Variants in ARMC2 observed in about 807,000 individuals in gnomAD.
The protein encoded by ARMC2 is armadillo repeat containing 2, also known as armadillo repeat-containing protein 2.
ARMC2 carries 67 observed loss-of-function variants against 90.3 expected under a neutral mutation model. That is an observed-to-expected ratio of 0.74 (90% CI 0.61 to 0.91). ARMC2 has a LOEUF of 0.91. Among genes scored for constraint, ARMC2 ranks in the 40% least tolerant of loss-of-function variants. ARMC2 has a pLI of 0.00. For missense variants in ARMC2, 920 were observed against 1,030.9 expected (o/e 0.89, Z 1.47); for synonymous variants, 393 against 393.0 (o/e 1.00, Z 0.00).
the ARMC2 span, chr6:108,992,987 T>C: frequency 3.8e-6 from 3 of 785,680 alleles, no homozygotes; most frequent in East Asian, 2.6e-5. Flanking sequence ...GGCATAACTC[T>C]TTCTCTGATA....
intron 10 of ARMC2, among the ~76,000 whole-genome samples, chr6:108,917,326 T>C (rs1263989125): frequency 6.6e-6 from 1 of 152,092 alleles, no homozygotes; most frequent in African/African-American, 2.4e-5. Flanking sequence ...CTCTCCCCCT[T>C]GCTCAGTACC....
chr6:109,051,521 T>C, the ARMC2 span, among the ~76,000 whole-genome samples: 26 of 152,182 alleles, frequency 1.7e-4, no homozygotes, highest in Non-Finnish European at 2.8e-4. Flanking sequence ...TTGCTTACCA[T>C]TAGAGGTCAA....
chr6:108,881,198 G>T (rs1383857789), intron 5 of ARMC2, among the ~76,000 whole-genome samples: 3 of 143,956 alleles, frequency 2.1e-5, no homozygotes, highest in African/African-American at 2.6e-5. Context: ...TTCTTTCTTT[G>T]TTTCTTTCTT....
intron 5 of ARMC2, among the ~76,000 whole-genome samples, chr6:108,885,624 A>G (rs1477387723): frequency 2.6e-5 from 4 of 151,654 alleles, no homozygotes; most frequent in Non-Finnish European, 4.4e-5. Flanking sequence ...CAGTAAGCTG[A>G]GATTGCACCC....
At chr6:108,932,624 G>C (rs1775660427) in intron 11 of ARMC2, among the ~76,000 whole-genome samples, 1 of 141,678 alleles carries the variant, frequency 7.1e-6, no homozygotes, top group Admixed American at 7.7e-5. Context: ...TGCCTCCCGG[G>C]TTCACACCAT....
At chr6:109,009,532 A>T in the ARMC2 span, 3 of 1,170,422 alleles carry the variant, frequency 2.6e-6, no homozygotes, top group Non-Finnish European at 3.2e-6. Context: ...TCCTGGCTGC[A>T]GCGCCTCAGT....
chr6:108,903,132 C>T (rs1421071202), intron 7 of ARMC2, among the ~76,000 whole-genome samples: 1 of 152,158 alleles, frequency 6.6e-6, no homozygotes, highest in East Asian at 1.9e-4. Context: ...TGTACCACTA[C>T]ACTCCGGTCT....
At chr6:109,026,341 G>T in the ARMC2 span, among the ~76,000 whole-genome samples, 3 of 152,100 alleles carry the variant, frequency 2.0e-5, no homozygotes, top group African/African-American at 7.2e-5. Context: ...AGTCAACAAA[G>T]AAAAAGTTCT....
rs186504244 is a variant in ARMC2 at position 108,924,109 on chromosome 6, G to C, written c.1351-3979G>C. 2.0e-5 allele frequency: 3 copies of C among 152,584 alleles called. No homozygotes were observed. The East Asian group carries it at 5.8e-4, about 29-fold the overall frequency. 9.5% of individuals were successfully genotyped at this position (152,584 alleles called of 1,614,324 possible). ...ACAAGTGACAATGCTTCTGTGATGG[G>C]GGTTGTAGAGGCAGGAACAGGATGC... On this transcript the variant is annotated intron_variant, in intron 10 of 17. Transcript: ENST00000392644.
At chr6:109,023,415 T>C in the ARMC2 span, among the ~76,000 whole-genome samples, 2 of 152,348 alleles carry the variant, frequency 1.3e-5, no homozygotes, top group South Asian at 2.1e-4. Flanking sequence ...TTTACCATGC[T>C]AACAGTGACT....
the ARMC2 span, among the ~76,000 whole-genome samples, chr6:109,041,203 T>C: frequency 5.3e-5 from 8 of 150,902 alleles, no homozygotes; most frequent in South Asian, 2.1e-4. Flanking sequence ...TCCCAGCTAC[T>C]TGGGGGGCTT....
At chr6:108,990,761 T>G in the ARMC2 span, 13 of 1,614,140 alleles carry the variant, frequency 8.1e-6, no homozygotes, top group Non-Finnish European at 1.1e-5. Flanking sequence ...TGTGAAATTT[T>G]TCATCAATCA....
intron 10 of ARMC2, among the ~76,000 whole-genome samples, chr6:108,915,056 G>A (rs1180237503): frequency 2.6e-5 from 4 of 151,750 alleles, no homozygotes; most frequent in Admixed American, 1.3e-4. Flanking sequence ...AGGTTCAAGC[G>A]ATTCTCCTGC....
At chr6:108,959,517 C>G (rs2128509593) in intron 13 of ARMC2, 1 of 152,470 alleles carries the variant, frequency 6.6e-6, no homozygotes, top group South Asian at 2.1e-4. Flanking sequence ...GCCTCTGGAG[C>G]AGGTGAGACC....
intron 17 of ARMC2, among the ~76,000 whole-genome samples, chr6:108,971,428 C>T (rs1021130610): frequency 2.0e-5 from 3 of 152,152 alleles, no homozygotes; most frequent in Non-Finnish European, 2.9e-5. Context: ...TATCTCAGAA[C>T]TGCATAGTTG....
chr6:108,998,609 G>T, the ARMC2 span: 1 of 1,613,928 alleles, frequency 6.2e-7, no homozygotes, highest in South Asian at 1.1e-5. Context: ...AAGGAGGTCT[G>T]AATGTGTGGC....
the ARMC2 span, among the ~76,000 whole-genome samples, chr6:109,047,764 G>T: frequency 6.9e-6 from 1 of 144,582 alleles, no homozygotes. Flanking sequence ...AAATTCTTCT[G>T]CCTTGGGATC....
intron 5 of ARMC2, among the ~76,000 whole-genome samples, chr6:108,883,990 TATA>T (rs1177832727): frequency 1.3e-5 from 2 of 152,340 alleles, no homozygotes; most frequent in East Asian, 3.9e-4. Flanking sequence ...TGTACTTTAT[TATA>T]TTGCCTGGCT....
the ARMC2 span, among the ~76,000 whole-genome samples, chr6:108,988,041 GCCTTGGCCTCC>G: frequency 6.6e-6 from 1 of 152,110 alleles, no homozygotes; most frequent in Non-Finnish European, 1.5e-5. Context: ...TGATCAGCCT[GCCTTGGCCTCC>G]CCAAGTGCTG....
Sources: gnomAD v4.1 joint callset for allele counts (sites outside exome capture counted in the v4.1 genomes callset) on GRCh38, gnomAD v4.1.1 for gene constraint, MANE v1.5 for transcripts, NCBI Gene and HGNC (gene_info 2026-07-23, HGNC 2026-07-21) for gene names.